GABRR3: variants seen among roughly 807,000 people sequenced by gnomAD.
GABRR3 encodes the protein gamma-aminobutyric acid type A receptor subunit rho3.
A neutral mutation model predicts 43.2 loss-of-function variants in GABRR3; 29 were observed. The ratio of observed to expected loss-of-function variants is 0.67; its 90% CI spans 0.50 to 0.92. The LOEUF (loss-of-function observed/expected upper bound fraction) is 0.92. Ranked by LOEUF, GABRR3 falls within the 40% of genes least tolerant of loss-of-function variation. GABRR3 has a pLI of 0.00. For missense variants in GABRR3, 576 were observed against 572.3 expected (o/e 1.01, Z -0.07); for synonymous variants, 206 against 195.9 (o/e 1.05, Z -0.43).
At chr3:97,986,481 A>G (rs1232078592), downstream of GABRR3, among the ~76,000 whole-genome samples, 3 of 152,236 alleles carry the variant, frequency 2.0e-5, no homozygotes, top group Admixed American at 1.3e-4. Context: ...ACACATGCCT[A>G]TGACTCTTAT....
chr3:97,995,223 C>A (rs939784587), intron 8 of GABRR3, among the ~76,000 whole-genome samples: 9 of 152,012 alleles, frequency 5.9e-5, no homozygotes, highest in Admixed American at 1.3e-4. Flanking sequence ...GTGATCTGCC[C>A]CCCTTGGCCT....
intron 2 of GABRR3, among the ~76,000 whole-genome samples, chr3:98,034,580 G>C (rs1245421156): frequency 6.6e-6 from 1 of 152,090 alleles, no homozygotes; most frequent in Non-Finnish European, 1.5e-5. Flanking sequence ...ACTAATTGAA[G>C]AAATACATTC....
exon 2 of GABRR3, chr3:98,034,982 G>A (rs756353831): frequency 6.2e-7 from 1 of 1,611,906 alleles, no homozygotes; most frequent in Non-Finnish European, 8.5e-7. Context: ...GGAAAGCCAG[G>A]ACCATCTCTT....
In GABRR3 at chr3:98,007,863, C is replaced by A; in HGVS notation, c.655G>T (p.Gly219Ter). 6.2e-7 allele frequency: 1 copy of A among 1,603,832 alleles called. No homozygotes were observed. Among genetic ancestry groups the A allele is most frequent in the Non-Finnish European group, 8.5e-7 (1 of 1,174,938 alleles). ...TCTTCAGTATTTAAGGACTTGTTTC[C>A]GTGTTTCCAGTATAGCATTAGGTCA... Residue 219 changes from glycine (G) to a stop codon, truncating the protein, a stop_gained, in exon 7 of 10, where the codon GGA (glycine) becomes TGA (stop). Transcript: ENST00000621172. LOFTEE classifies it high-confidence loss of function.
chr3:98,019,185 A>G (rs1706907640), intron 3 of GABRR3, among the ~76,000 whole-genome samples: 1 of 152,120 alleles, frequency 6.6e-6, no homozygotes, highest in Non-Finnish European at 1.5e-5. Context: ...AAACAAAGAA[A>G]GATTTAGAGG....
At chr3:97,989,844 T>C (rs1444333517) in intron 9 of GABRR3, among the ~76,000 whole-genome samples, 2 of 152,168 alleles carry the variant, frequency 1.3e-5, no homozygotes, top group South Asian at 2.1e-4. Flanking sequence ...GAAATATTAG[T>C]GAGCCCTCCT....
intron 7 of GABRR3, 111 bp downstream of exon 7, chr3:98,007,653 C>T (rs1295690298): frequency 2.6e-6 from 3 of 1,153,280 alleles, no homozygotes; most frequent in Non-Finnish European, 2.5e-6. Context: ...AATGATGGTG[C>T]TGGCCAAAGG....
intron 7 of GABRR3, among the ~76,000 whole-genome samples, chr3:98,004,634 C>T (rs776985678): frequency 9.5e-5 from 14 of 148,108 alleles, no homozygotes; most frequent in Non-Finnish European, 1.6e-4. Flanking sequence ...ATTGCCAGGT[C>T]GTGGTGATTT....
chr3:98,026,871 T>A (rs1161796196), intron 2 of GABRR3, among the ~76,000 whole-genome samples: 1 of 152,072 alleles, frequency 6.6e-6, no homozygotes, highest in Non-Finnish European at 1.5e-5. Context: ...AAGGAATACA[T>A]CTTATGGGCA....
chr3:98,031,347 C>T (rs1707084394), intron 2 of GABRR3, among the ~76,000 whole-genome samples: 1 of 152,112 alleles, frequency 6.6e-6, no homozygotes, highest in Non-Finnish European at 1.5e-5. Context: ...AAAAATGGTT[C>T]ACGTGGTACA....
At chr3:98,002,353 C>T (rs986416223) in intron 7 of GABRR3, among the ~76,000 whole-genome samples, 2 of 152,108 alleles carry the variant, frequency 1.3e-5, no homozygotes, top group Non-Finnish European at 2.9e-5. Context: ...TGTTTCTTTG[C>T]TTCCTATTGA....
intron 3 of GABRR3, among the ~76,000 whole-genome samples, chr3:98,024,393 A>G (rs1167139198): frequency 6.6e-6 from 1 of 150,978 alleles, no homozygotes; most frequent in Non-Finnish European, 1.5e-5. Context: ...AAAAAAAAGA[A>G]CAGGAACCAC....
chr3:97,986,760 T>C (rs1284297621), exon 10 of GABRR3: 1 of 1,603,230 alleles, frequency 6.2e-7, no homozygotes, highest in African/African-American at 1.3e-5. Flanking sequence ...TAGGTGTCAA[T>C]GACATGGTTG....
rs964918449 is a variant in GABRR3, at chr3:98,015,410, G to T, written c.306+2245C>A. Among the ~76,000 whole-genome samples, 4 of 152,182 alleles carry T rather than the reference G, an allele frequency of 2.6e-5. 1 individual carries two copies. Among genetic ancestry groups the T allele is most frequent in the Admixed American group, 2.0e-4 (3 of 15,276 alleles). On this transcript the variant is annotated intron_variant, in intron 4 of 9. Coordinates refer to ENST00000621172, the Ensembl canonical transcript of GABRR3. ...AGGGTTTCCTCATGTTGGCCAGGCT[G>T]GTCTCGAACTCCTGACCTCAAATGA...
chr3:97,989,958 C>T (rs543992266), intron 9 of GABRR3, among the ~76,000 whole-genome samples: 1 of 152,168 alleles, frequency 6.6e-6, no homozygotes, highest in South Asian at 2.1e-4. Flanking sequence ...CTCTCTAATA[C>T]TGGCTTCCAA....
chr3:97,990,119 A>T (rs1321581247), intron 9 of GABRR3, among the ~76,000 whole-genome samples: 1 of 152,158 alleles, frequency 6.6e-6, no homozygotes, highest in Non-Finnish European at 1.5e-5. Context: ...CTATTCCCTC[A>T]GGGCAGGTGT....
At chr3:98,020,871 T>TA (rs1491142037) in intron 3 of GABRR3, among the ~76,000 whole-genome samples, 9 of 13,718 alleles carry the variant, frequency 6.6e-4, no homozygotes, top group African/African-American at 4.2e-3. Flanking sequence ...TTTCTTTTTC[T>TA]TTTTTTTTTT....
chr3:98,009,107 T>C, intron 5 of GABRR3, 69 bp from the exon 6 acceptor site: 2 of 961,890 alleles, frequency 2.1e-6, no homozygotes, highest in South Asian at 1.4e-5. Context: ...CATGCAACAT[T>C]GAAGCTTTCT....
intron 7 of GABRR3, among the ~76,000 whole-genome samples, chr3:98,006,909 T>C (rs1372563677): frequency 6.6e-6 from 1 of 152,180 alleles, no homozygotes; most frequent in Non-Finnish European, 1.5e-5. Flanking sequence ...GAGTACTATA[T>C]AGGCCCAATT....
Sources: allele counts gnomAD v4.1 joint callset (sites outside exome capture counted in the v4.1 genomes callset), GRCh38; gene constraint gnomAD v4.1.1; transcripts MANE v1.5; gene names NCBI Gene and HGNC (gene_info 2026-07-23, HGNC 2026-07-21).